CTNNA2: variants seen among roughly 807,000 people sequenced by gnomAD.
The protein encoded by CTNNA2 is catenin alpha 2.
Under a neutral mutation model 101.0 loss-of-function variants are expected in CTNNA2, and 42 were observed. That is an observed-to-expected ratio of 0.42 (90% CI 0.32 to 0.54). CTNNA2 has a LOEUF of 0.54. Among genes scored for constraint, CTNNA2 ranks in the 20% least tolerant of loss-of-function variants. CTNNA2 has a pLI of 0.14. For synonymous variants in CTNNA2, 450 were observed against 456.4 expected (o/e 0.99, Z 0.18); for missense variants, 871 against 1,223.1 (o/e 0.71, Z 4.29).
At chr2:79,742,321 C>T (rs1558888714) in intron 2 of CTNNA2, among the ~76,000 whole-genome samples, 1 of 151,922 alleles carries the variant, frequency 6.6e-6, no homozygotes, top group Non-Finnish European at 1.5e-5. Context: ...AGCTCCTCTC[C>T]ACCCTATTTT....
intron 1 of CTNNA2, among the ~76,000 whole-genome samples, chr2:79,536,111 G>A (rs1026262873): frequency 1.7e-4 from 26 of 152,118 alleles, no homozygotes; most frequent in Non-Finnish European, 4.4e-5. Context: ...CACTGATTGG[G>A]GTCTGCTGAC....
intron 1 of CTNNA2, among the ~76,000 whole-genome samples, chr2:79,557,261 A>T (rs1480809659): frequency 6.6e-6 from 1 of 151,982 alleles, no homozygotes; most frequent in Non-Finnish European, 1.5e-5. Flanking sequence ...TCAGGGCCTA[A>T]GGTGGCCCTC....
At chr2:80,237,672 C>T (rs1456803063) in intron 7 of CTNNA2, among the ~76,000 whole-genome samples, 1 of 152,114 alleles carries the variant, frequency 6.6e-6, no homozygotes, top group African/African-American at 2.4e-5. Context: ...CCCTGGGCAA[C>T]AAGACTTTAA....
At chr2:80,455,460 G>C (rs1045256674) in intron 9 of CTNNA2, among the ~76,000 whole-genome samples, 3 of 152,086 alleles carry the variant, frequency 2.0e-5, no homozygotes, top group Non-Finnish European at 4.4e-5. Flanking sequence ...CTTTTTTGTG[G>C]GCATGAGTAG....
intron 7 of CTNNA2, among the ~76,000 whole-genome samples, chr2:79,961,280 A>T (rs1689607560): frequency 1.3e-5 from 2 of 152,060 alleles, no homozygotes; most frequent in South Asian, 2.1e-4. Context: ...TGGCATGCGA[A>T]CCATTAGCTC....
At chr2:80,071,269 T>C (rs1698321961) in intron 7 of CTNNA2, among the ~76,000 whole-genome samples, 2 of 152,200 alleles carry the variant, frequency 1.3e-5, no homozygotes, top group African/African-American at 2.4e-5. Flanking sequence ...AATGGAAGAA[T>C]TGTAACAAGA....
At chr2:80,000,312 T>C (rs1692855083) in intron 7 of CTNNA2, among the ~76,000 whole-genome samples, 1 of 152,138 alleles carries the variant, frequency 6.6e-6, no homozygotes. Flanking sequence ...TATAGCATTG[T>C]TTGAGGCATG....
At chr2:80,103,893 G>C (rs13411350) in intron 7 of CTNNA2, among the ~76,000 whole-genome samples, 27,374 of 151,940 alleles carry the variant, frequency 0.18, 3,733 homozygotes, top group African/African-American at 0.37. Context: ...TGCCACCATG[G>C]CGGCTAACTT....
intron 7 of CTNNA2, among the ~76,000 whole-genome samples, chr2:80,185,484 C>T (rs1475203550): frequency 1.3e-5 from 2 of 151,966 alleles, no homozygotes; most frequent in African/African-American, 4.8e-5. Flanking sequence ...AGGTGGGGAT[C>T]ACTGGGAGAC....
At chr2:80,451,047 C>T (rs184220738) in intron 9 of CTNNA2, among the ~76,000 whole-genome samples, 2 of 152,084 alleles carry the variant, frequency 1.3e-5, no homozygotes, top group East Asian at 1.9e-4. Context: ...TTACCTTTCT[C>T]TGAAAATATC....
intron 2 of CTNNA2, among the ~76,000 whole-genome samples, chr2:79,226,495 G>A (rs1674410888): frequency 1.3e-5 from 2 of 152,124 alleles, no homozygotes; most frequent in African/African-American, 4.8e-5. Flanking sequence ...CCCTCACTCT[G>A]TTGTTTCCAG....
chr2:79,869,139 C>T (rs1434387285), intron 4 of CTNNA2, among the ~76,000 whole-genome samples: 2 of 152,186 alleles, frequency 1.3e-5, no homozygotes, highest in East Asian at 1.9e-4. Context: ...GAAAAGTTCA[C>T]TGAGACAGTT....
chr2:79,863,481 G>A (rs570274575), intron 4 of CTNNA2, among the ~76,000 whole-genome samples: 2 of 152,178 alleles, frequency 1.3e-5, no homozygotes, highest in Admixed American at 6.5e-5. Context: ...CAAGCTGGGG[G>A]CTGAAAGTTG....
intron 9 of CTNNA2, among the ~76,000 whole-genome samples, chr2:80,499,268 G>A (rs1049892503): frequency 2.6e-5 from 4 of 152,204 alleles, no homozygotes; most frequent in Non-Finnish European, 5.9e-5. Context: ...CAGCTCTCAT[G>A]TTATTCTATG....
At chr2:80,450,924 C>G (rs1355081422) in intron 9 of CTNNA2, among the ~76,000 whole-genome samples, 1 of 151,844 alleles carries the variant, frequency 6.6e-6, no homozygotes, top group Non-Finnish European at 1.5e-5. Context: ...GTCTTTTTGT[C>G]TGTTTGTCTT....
At chr2:80,374,515 TA>T (rs1164735298) in intron 7 of CTNNA2, among the ~76,000 whole-genome samples, 1 of 152,068 alleles carries the variant, frequency 6.6e-6, no homozygotes, top group African/African-American at 2.4e-5. Context: ...GATGGAGACT[TA>T]TTCACAGAAA....
intron 7 of CTNNA2, among the ~76,000 whole-genome samples, chr2:80,316,851 A>T (rs1167845479): frequency 6.6e-6 from 1 of 152,218 alleles, no homozygotes; most frequent in Non-Finnish European, 1.5e-5. Context: ...ACAGTGGGGA[A>T]CAAAACTGAG....
At chr2:79,366,812 A>G (rs969448591) in intron 3 of CTNNA2, among the ~76,000 whole-genome samples, 1 of 152,248 alleles carries the variant, frequency 6.6e-6, no homozygotes, top group Non-Finnish European at 1.5e-5. Flanking sequence ...AGGTATTTTC[A>G]TACTATATAA....
At chr2:80,459,928 T>G (rs527799910) in intron 9 of CTNNA2, among the ~76,000 whole-genome samples, 1 of 152,240 alleles carries the variant, frequency 6.6e-6, no homozygotes, top group Admixed American at 6.5e-5. Flanking sequence ...ATTCTCATAG[T>G]GTTCAATTTC....
Sources: allele counts gnomAD v4.1 joint callset (sites outside exome capture counted in the v4.1 genomes callset), GRCh38; gene constraint gnomAD v4.1.1; transcripts MANE v1.5; gene names NCBI Gene and HGNC (gene_info 2026-07-23, HGNC 2026-07-21).